ZMYM4: variants seen among roughly 807,000 people sequenced by gnomAD.
ZMYM4 encodes the protein zinc finger MYM-type protein 4.
In ZMYM4, 31 loss-of-function variants were observed where a neutral mutation model predicts 183.2. The ratio of observed to expected loss-of-function variants is 0.17; its 90% CI spans 0.13 to 0.23. ZMYM4 has a LOEUF of 0.23. Among genes scored for constraint, ZMYM4 ranks in the 10% least tolerant of loss-of-function variants. The pLI, the probability that ZMYM4 is intolerant of heterozygous loss-of-function variation, is 1.00. For synonymous variants in ZMYM4, 592 were observed against 631.2 expected (o/e 0.94, Z 0.93); for missense variants, 1,273 against 1,840.3 (o/e 0.69, Z 5.64).
At chr1:35,331,408 C>T (rs1224872379) in intron 2 of ZMYM4, among the ~76,000 whole-genome samples, 1 of 152,100 alleles carries the variant, frequency 6.6e-6, no homozygotes, top group Non-Finnish European at 1.5e-5. Context: ...CTGAACTAAA[C>T]TGATTTTTGT....
At chr1:35,351,538 GAAGA>G (rs1429136961) in intron 2 of ZMYM4, 1 of 1,214,848 alleles carries the variant, frequency 8.2e-7, no homozygotes, top group African/African-American at 1.5e-5. Flanking sequence ...CCCTTGCTCA[GAAGA>G]AAGATCAGGT....
At position 35,394,320 on chromosome 1, in the gene ZMYM4, G is replaced by T. The variant is rs1644769794; in HGVS notation, c.2911+581G>T. Among the ~76,000 whole-genome samples, 4 of 151,970 alleles carry T rather than the reference G, an allele frequency of 2.6e-5. No individual in the cohort carries two copies. In the South Asian group the frequency reaches 8.3e-4, roughly 32 times the overall value. On this transcript the variant is annotated intron_variant, in intron 18 of 29. Transcript: ENST00000314607. ...ACTTCTGCCCTACAAGTGAGCTGGG[G>T]TGAGGGTGATCAGGATCCCAGTGTT...
chr1:35,369,710 G>A (rs1644162472), intron 5 of ZMYM4, among the ~76,000 whole-genome samples: 1 of 151,626 alleles, frequency 6.6e-6, no homozygotes, highest in African/African-American at 2.4e-5. Flanking sequence ...TATAGTGATT[G>A]TGTATTACTT....
intron 1 of ZMYM4, among the ~76,000 whole-genome samples, chr1:35,306,454 C>T (rs1641537855): frequency 6.6e-6 from 1 of 152,116 alleles, no homozygotes; most frequent in Non-Finnish European, 1.5e-5. Flanking sequence ...CTCAAATTAT[C>T]CCATATTCAG....
intron 1 of ZMYM4, among the ~76,000 whole-genome samples, chr1:35,306,475 C>G (rs1641538340): frequency 6.6e-6 from 1 of 152,096 alleles, no homozygotes; most frequent in Non-Finnish European, 1.5e-5. Context: ...CCTGTGGGAG[C>G]CCCTCTAACC....
rs191772326 is a variant in ZMYM4 at position 35,366,698 on chromosome 1, T to A, written c.841-3331T>A. Among the ~76,000 whole-genome samples the A allele has an allele frequency of 8.5e-5, 13 of 152,264 alleles. 2 individuals carry two copies. Among genetic ancestry groups the A allele is most frequent in the African/African-American group, 2.6e-4 (11 of 41,548 alleles). ...CATCTTTTTAAATGTAAGAAATATG[T>A]AGATGTCAGTTATTTTTAAATTAAG... is the stretch of plus-strand genomic sequence containing the variant. On this transcript the variant is annotated intron_variant, in intron 5 of 29. Coordinates refer to ENST00000314607, the MANE Select transcript of ZMYM4 (RefSeq NM_005095.3).
chr1:35,318,402 A>G (rs1384247579), intron 1 of ZMYM4, among the ~76,000 whole-genome samples: 2 of 152,090 alleles, frequency 1.3e-5, no homozygotes, highest in Admixed American at 6.6e-5. Context: ...CTGTATCACA[A>G]GTTACATAGG....
intron 2 of ZMYM4, among the ~76,000 whole-genome samples, chr1:35,331,886 T>C (rs1261157624): frequency 6.6e-6 from 1 of 151,780 alleles, no homozygotes; most frequent in African/African-American, 2.4e-5. Flanking sequence ...ATATAAGTTC[T>C]ATGTGAATTT....
At chr1:35,296,393 A>G (rs1175872840) in intron 1 of ZMYM4, among the ~76,000 whole-genome samples, 2 of 152,246 alleles carry the variant, frequency 1.3e-5, no homozygotes, top group East Asian at 3.8e-4. Context: ...TATTCAATTC[A>G]GAATCTGTAT....
chr1:35,341,618 T>C (rs531634890), intron 2 of ZMYM4, among the ~76,000 whole-genome samples: 3 of 152,112 alleles, frequency 2.0e-5, no homozygotes, highest in South Asian at 4.1e-4. Flanking sequence ...TAAAATAAAT[T>C]TGAATCTGTA....
Position 35,359,092 on chromosome 1 carries a change from G to A in ZMYM4, c.253G>A (p.Val85Ile), listed in dbSNP as rs747021600. The change falls in exon 3 of 30, where the codon GTT (valine) becomes ATT (isoleucine). Residue 85 changes from valine to isoleucine, a missense_variant. This residue lies in a region of ZMYM4 where 384 missense variants were observed against 465.6 expected (regional missense o/e 0.82). Transcript: ENST00000314607. ...NSGDLAGIPV[V>I]GSDNEDEQDF... ...TGGGGATCTTGCAGGAATTCCAGTC[G>A]TTGGTAGTGACAATGAGGATGAACA... is the stretch of plus-strand genomic sequence containing the variant. 40 of 1,613,668 alleles carry A rather than the reference G, an allele frequency of 2.5e-5. No individual in the cohort carries two copies. In the Admixed American group the frequency reaches 3.2e-4, roughly 13 times the overall value.
intron 7 of ZMYM4, among the ~76,000 whole-genome samples, chr1:35,374,496 T>C (rs1644291575): frequency 2.0e-5 from 3 of 152,286 alleles, no homozygotes; most frequent in Middle Eastern, 3.4e-3. Flanking sequence ...GTGATATTTA[T>C]CCTTTTATAA....
chr1:35,394,162 CTTT>C (rs34277367), intron 18 of ZMYM4, among the ~76,000 whole-genome samples: 2,483 of 68,336 alleles, frequency 0.036, 54 homozygotes, highest in African/African-American at 0.14. Context: ...TCAGAGCTTT[CTTT>C]TTTTTTTTTT....
Position 35,392,303 on chromosome 1 carries a change from A to C in ZMYM4, c.2679A>C (p.Ala893=), listed in dbSNP as rs1216001262. ...TTATAGCCAATGTAGTATCATTGGCAAGTGCCCCTGCTGCTCAGCCTACAG... is the reference window on the plus strand; with the variant it reads ...TTATAGCCAATGTAGTATCATTGGCCAGTGCCCCTGCTGCTCAGCCTACAG... The part of the protein sequence containing the change: ...TPVIANVVSL[A]SAPAAQPTVN... The change falls in exon 16 of 30, where the codon GCA becomes GCC. Residue 893 remains alanine (A), a synonymous_variant. Coordinates refer to ENST00000314607, the MANE Select transcript of ZMYM4 (RefSeq NM_005095.3). 1 of 1,614,208 alleles carries C rather than the reference A, an allele frequency of 6.2e-7. No homozygotes were observed. The highest frequency in any genetic ancestry group is 1.1e-5 in the South Asian group (1 of 91,082).
chr1:35,364,753 G>A (rs1644028084), intron 5 of ZMYM4, among the ~76,000 whole-genome samples: 1 of 151,916 alleles, frequency 6.6e-6, no homozygotes, highest in Non-Finnish European at 1.5e-5. Flanking sequence ...ACTTCCTTTG[G>A]CTTTTCTTTG....
chr1:35,351,387 T>C, intron 2 of ZMYM4: 1 of 1,574,622 alleles, frequency 6.4e-7, no homozygotes, highest in Non-Finnish European at 8.7e-7. Context: ...GAAACAGTTC[T>C]CTCAATACAT....
At chr1:35,409,180 C>T (rs1639768826) in intron 26 of ZMYM4, among the ~76,000 whole-genome samples, 1 of 152,224 alleles carries the variant, frequency 6.6e-6, no homozygotes, top group Admixed American at 6.5e-5. Flanking sequence ...ATCCATTCAT[C>T]CACTGATGGA....
intron 18 of ZMYM4, 90 bp from the exon 19 acceptor site, chr1:35,396,461 AT>A: frequency 6.5e-7 from 1 of 1,545,708 alleles, no homozygotes; most frequent in Non-Finnish European, 8.7e-7. Context: ...ATTTTGAACT[AT>A]AAACCTCCAT....
At chr1:35,411,212 G>A (rs1639878048) in intron 26 of ZMYM4, among the ~76,000 whole-genome samples, 1 of 145,468 alleles carries the variant, frequency 6.9e-6, no homozygotes, top group Non-Finnish European at 1.5e-5. Context: ...TTGAGATGGA[G>A]TCTTGATCTT....
Sources: allele counts gnomAD v4.1 joint callset (sites outside exome capture counted in the v4.1 genomes callset), GRCh38; gene constraint gnomAD v4.1.1; regional missense constraint gnomAD v4.1.1; transcripts MANE v1.5; gene names NCBI Gene and HGNC (gene_info 2026-07-23, HGNC 2026-07-21).